The following AKAP6 variants were observed in gnomAD, a reference collection of about 807,000 sequenced individuals.
The protein encoded by AKAP6 is A-kinase anchoring protein 6.
AKAP6 carries 58 observed loss-of-function variants against 188.5 expected under a neutral mutation model. The ratio of observed to expected loss-of-function variants is 0.31; its 90% CI spans 0.25 to 0.38. AKAP6 has a LOEUF of 0.38. AKAP6 is among the 10% of genes least tolerant of loss of function. The pLI is 1.00. For synonymous variants in AKAP6, 989 were observed against 998.6 expected, an observed-to-expected ratio of 0.99 and a Z score of 0.18; for missense variants, 2,710 against 2,740.0, an observed-to-expected ratio of 0.99 and a Z score of 0.24.
chr14:32,497,308 ATGT>A (rs2138969045), intron 2 of AKAP6, among the ~76,000 whole-genome samples: 1 of 152,152 alleles, frequency 6.6e-6, no homozygotes, highest in South Asian at 2.1e-4. Context: ...TGAGAATCTC[ATGT>A]TGTATGTTTG....
intron 9 of AKAP6, among the ~76,000 whole-genome samples, chr14:32,716,307 C>T (rs964896796): frequency 6.6e-6 from 1 of 151,638 alleles, no homozygotes; most frequent in Non-Finnish European, 1.5e-5. Context: ...AACAAGCTCC[C>T]TCCTCCCTTC....
intron 2 of AKAP6, among the ~76,000 whole-genome samples, chr14:32,533,349 T>C (rs1882513119): frequency 6.6e-6 from 1 of 152,034 alleles, no homozygotes; most frequent in African/African-American, 2.4e-5. Flanking sequence ...AGAGTAATGA[T>C]CAGAAAGTGC....
At chr14:32,809,598 C>G (rs910653691) in intron 12 of AKAP6, among the ~76,000 whole-genome samples, 3 of 152,170 alleles carry the variant, frequency 2.0e-5, no homozygotes, top group Admixed American at 2.0e-4. Flanking sequence ...AAGGTCTGAT[C>G]AGGCAACGTA....
rs187180223 is a variant in AKAP6 at position 32,529,688 on chromosome 14, A to G, written c.325-5866A>G. 9.2e-5 allele frequency among the ~76,000 whole-genome samples: 14 copies of G among 152,312 alleles called. No homozygotes were observed. The South Asian group carries it at 2.1e-3, about 23-fold the overall frequency. ...AGAGGGATAGTTCACTTTTGGGGAA[A>G]TAAAAATATTTTGCCATAGGGAAAT... On this transcript the variant is annotated intron_variant, in intron 2 of 13. Coordinates refer to ENST00000280979, the MANE Select transcript of AKAP6 (RefSeq NM_004274.5).
chr14:32,517,524 C>T (rs1455008120), intron 2 of AKAP6, among the ~76,000 whole-genome samples: 1 of 152,200 alleles, frequency 6.6e-6, no homozygotes, highest in Non-Finnish European at 1.5e-5. Flanking sequence ...GTGGTCTTAC[C>T]AAATGGCACA....
intron 7 of AKAP6, among the ~76,000 whole-genome samples, chr14:32,615,001 T>G (rs1413747314): frequency 6.6e-6 from 1 of 151,120 alleles, no homozygotes; most frequent in African/African-American, 2.4e-5. Context: ...AAACCCCGTC[T>G]CTACTAAAAA....
At chr14:32,516,495 C>A (rs1432208545) in intron 2 of AKAP6, among the ~76,000 whole-genome samples, 2 of 152,184 alleles carry the variant, frequency 1.3e-5, no homozygotes, top group African/African-American at 2.4e-5. Flanking sequence ...GCACCTTGAT[C>A]AGGTTTCTTA....
chr14:32,672,904 AAG>A (rs1889272214), intron 7 of AKAP6, among the ~76,000 whole-genome samples: 1 of 152,204 alleles, frequency 6.6e-6, no homozygotes, highest in Non-Finnish European at 1.5e-5. Flanking sequence ...ATGACAGAAA[AAG>A]AGAGATAGAG....
intron 2 of AKAP6, among the ~76,000 whole-genome samples, chr14:32,464,644 G>T (rs1254459862): frequency 6.6e-6 from 1 of 152,136 alleles, no homozygotes; most frequent in Non-Finnish European, 1.5e-5. Context: ...ACATCATACT[G>T]AATGGGCAAA....
intron 2 of AKAP6, among the ~76,000 whole-genome samples, chr14:32,526,823 A>G (rs1882157014): frequency 6.6e-6 from 1 of 152,124 alleles, no homozygotes. Context: ...TTCACAGCAA[A>G]ATTAAGAGGC....
chr14:32,614,460 A>G (rs947156373), intron 7 of AKAP6, among the ~76,000 whole-genome samples: 5 of 152,204 alleles, frequency 3.3e-5, no homozygotes, highest in African/African-American at 1.2e-4. Context: ...GTAATTTTCC[A>G]AGGCAATCAA....
intron 9 of AKAP6, among the ~76,000 whole-genome samples, chr14:32,698,407 C>T (rs977095451): frequency 1.2e-4 from 18 of 152,098 alleles, no homozygotes; most frequent in Admixed American, 7.9e-4. Flanking sequence ...GTGCCCAGGC[C>T]TTGCCAGGTT....
chr14:32,677,023 G>A (rs765498921), intron 7 of AKAP6, among the ~76,000 whole-genome samples: 27 of 152,006 alleles, frequency 1.8e-4, no homozygotes, highest in Middle Eastern at 3.4e-3. Flanking sequence ...ACGGGGTTTC[G>A]CCATGTTGGC....
Position 32,822,024 on chromosome 14 carries a change from A to G in AKAP6, c.4211A>G (p.Asp1404Gly). 2 of 1,613,962 alleles carry G rather than the reference A, an allele frequency of 1.2e-6. No individual in the cohort carries two copies. Among genetic ancestry groups the G allele is most frequent in the Non-Finnish European group, 1.7e-6 (2 of 1,179,940 alleles). ...ETEHLDPQMG[D>G]AVNVLKQKFT... ...GAACATCTGGACCCACAAATGGGAG[A>G]TGCAGTTAACGTGTTAAAGCAAAAA... is the stretch of plus-strand genomic sequence containing the variant. Residue 1404 changes from aspartate (D) to glycine (G), a missense_variant, in exon 13 of 14, where the codon GAT becomes GGT. Physicochemically the swap from Asp to Gly is moderately conservative, Grantham distance 94. Coordinates refer to ENST00000280979, the MANE Select transcript of AKAP6 (RefSeq NM_004274.5).
chr14:32,401,393 C>G (rs906934869), intron 1 of AKAP6, among the ~76,000 whole-genome samples: 2 of 152,176 alleles, frequency 1.3e-5, no homozygotes, highest in Non-Finnish European at 2.9e-5. Flanking sequence ...AGTGCCGAAG[C>G]AAGTTCATTT....
chr14:32,428,602 C>G (rs1390566170), intron 1 of AKAP6, among the ~76,000 whole-genome samples: 1 of 152,158 alleles, frequency 6.6e-6, no homozygotes, highest in Non-Finnish European at 1.5e-5. Context: ...CTTTTCTGTT[C>G]TTTTATTTAA....
chr14:32,689,892 A>G (rs1192537730), intron 8 of AKAP6, among the ~76,000 whole-genome samples: 1 of 152,134 alleles, frequency 6.6e-6, no homozygotes, highest in Non-Finnish European at 1.5e-5. Context: ...TAATGTGAAC[A>G]GCGAACACTT....
chr14:32,414,690 T>G (rs1251947697), intron 1 of AKAP6, among the ~76,000 whole-genome samples: 1 of 152,114 alleles, frequency 6.6e-6, no homozygotes, highest in Non-Finnish European at 1.5e-5. Context: ...TAATTAACAT[T>G]TTTTTGTCCT....
intron 12 of AKAP6, among the ~76,000 whole-genome samples, chr14:32,819,081 A>G (rs1255662881): frequency 6.6e-6 from 1 of 152,200 alleles, no homozygotes; most frequent in East Asian, 1.9e-4. Context: ...CAGAAATTCT[A>G]ATAAAAATTC....
Sources: allele counts gnomAD v4.1 joint callset (sites outside exome capture counted in the v4.1 genomes callset), GRCh38; gene constraint gnomAD v4.1.1; transcripts MANE v1.5; gene names NCBI Gene and HGNC (gene_info 2026-07-23, HGNC 2026-07-21).